The following GIGYF2 variants were observed in gnomAD, a reference collection of about 807,000 sequenced individuals.
GIGYF2 encodes the protein GRB10-interacting GYF protein 2.
Under a neutral mutation model 208.1 loss-of-function variants are expected in GIGYF2, and 25 were observed. The observed-to-expected ratio is 0.12, with a 90% CI of 0.09 to 0.17. The LOEUF (loss-of-function observed/expected upper bound fraction) is 0.17, where lower values mean the gene tolerates loss of function less well. Among genes scored for constraint, GIGYF2 ranks in the 10% least tolerant of loss-of-function variants. GIGYF2 has a pLI of 1.00. For missense variants in GIGYF2, 1,302 were observed against 1,579.4 expected, an observed-to-expected ratio of 0.82 and a Z score of 2.98; for synonymous variants, 534 against 543.8, an observed-to-expected ratio of 0.98 and a Z score of 0.25.
intron 22 of GIGYF2, 24 bp from the exon 23 acceptor site, chr2:232,839,825 T>TTCTG (rs768955704): frequency 6.2e-6 from 10 of 1,613,672 alleles, no homozygotes; most frequent in Non-Finnish European, 8.5e-6. Flanking sequence ...CTCATGAACT[T>TTCTG]TCTGGCCTTC....
Position 232,727,597 on chromosome 2 carries a change from G to T in GIGYF2, c.-43-7558G>T, listed in dbSNP as rs189821581. ...TGTGGTGAGAATAGTACCTCAGGGG[G>T]AGAAAACTAGAGTCAGTGAATTTGA... On this transcript the variant is annotated intron_variant, in intron 2 of 28. Transcript: ENST00000373563. Among the ~76,000 whole-genome samples, 958 of 152,298 alleles carry T rather than the reference G, an allele frequency of 6.3e-3. 4 individuals carry two copies. Among genetic ancestry groups the T allele is most frequent in the Non-Finnish European group, 0.01 (681 of 68,026 alleles).
intron 25 of GIGYF2, among the ~76,000 whole-genome samples, chr2:232,845,480 C>G (rs1456494323): frequency 6.6e-6 from 1 of 152,112 alleles, no homozygotes; most frequent in East Asian, 1.9e-4. Flanking sequence ...TACCTAAGGA[C>G]ACGTAGGAAG....
At chr2:232,821,688 T>G (rs946756573) in intron 21 of GIGYF2, among the ~76,000 whole-genome samples, 2 of 152,208 alleles carry the variant, frequency 1.3e-5, no homozygotes, top group Admixed American at 6.5e-5. Context: ...TTTTTAATTT[T>G]GATGAAATCC....
At chr2:232,750,445 T>C (rs1397102443) in intron 5 of GIGYF2, among the ~76,000 whole-genome samples, 6 of 152,214 alleles carry the variant, frequency 3.9e-5, no homozygotes, top group African/African-American at 1.2e-4. Context: ...CAATTTCTTA[T>C]GTATTTTTCC....
At chr2:232,832,822 A>C in intron 21 of GIGYF2, 35 bp from the exon 22 acceptor site, 1 of 1,476,030 alleles carries the variant, frequency 6.8e-7, no homozygotes, top group African/African-American at 1.4e-5. Context: ...ACAATTAATA[A>C]AATTTTTATA....
chr2:232,718,488 A>T (rs372808550), intron 2 of GIGYF2, among the ~76,000 whole-genome samples: 7 of 152,188 alleles, frequency 4.6e-5, no homozygotes, highest in South Asian at 2.1e-4. Context: ...ACATTGATGG[A>T]CATAATACCC....
intron 2 of GIGYF2, among the ~76,000 whole-genome samples, chr2:232,709,784 G>A (rs776535842): frequency 4.0e-5 from 6 of 151,774 alleles, no homozygotes; most frequent in Non-Finnish European, 8.8e-5. Flanking sequence ...ACTCCAGCCT[G>A]GGCAACAGAG....
At chr2:232,713,801 A>G (rs924417217) in intron 2 of GIGYF2, among the ~76,000 whole-genome samples, 2 of 152,210 alleles carry the variant, frequency 1.3e-5, no homozygotes, top group African/African-American at 4.8e-5. Context: ...TTTTAGAGGA[A>G]GATGACAAAG....
Position 232,826,609 on chromosome 2 carries a change from G to A in GIGYF2, c.2530-6248G>A, listed in dbSNP as rs528314221. ...GAGTGAACAAGCATCCTACAGAATGGGAGAAAAAGCTTTGCAATCTACCCA... is the reference window on the plus strand; with the variant it reads ...GAGTGAACAAGCATCCTACAGAATGAGAGAAAAAGCTTTGCAATCTACCCA... On this transcript the variant is annotated intron_variant, in intron 21 of 28. Transcript: ENST00000373563. Among the ~76,000 whole-genome samples, 5 of 152,152 alleles carry A rather than the reference G, an allele frequency of 3.3e-5. No homozygotes were observed. In the East Asian group the frequency reaches 9.7e-4, roughly 29 times the overall value.
rs138624782 is a variant in GIGYF2, at chr2:232,847,960, ATGT to A, written c.3684+398_3684+400del. On this transcript the variant is annotated intron_variant, in intron 27 of 28. Coordinates refer to ENST00000373563, the MANE Select transcript of GIGYF2 (RefSeq NM_001103146.3). Reference sequence around the variant, plus strand: ...AACACTGCAGCATGCCAGATATTTCATGTTGTTGTTGGGGATGTAAAAAATACA... The same window carrying A: ...AACACTGCAGCATGCCAGATATTTCATGTTGTTGGGGATGTAAAAAATACA... 8.1e-3 allele frequency among the ~76,000 whole-genome samples: 1,230 copies of A among 152,302 alleles called. 10 individuals carry two copies. The highest frequency in any genetic ancestry group is 0.013 in the Non-Finnish European group (859 of 68,012).
intron 28 of GIGYF2, among the ~76,000 whole-genome samples, chr2:232,853,452 T>G (rs1690435468): frequency 1.3e-5 from 2 of 152,154 alleles, no homozygotes; most frequent in Non-Finnish European, 2.9e-5. Flanking sequence ...CTTTTTGTAT[T>G]TTAGTAGAGA....
At chr2:232,771,488 A>C in intron 8 of GIGYF2, 1 of 635,250 alleles carries the variant, frequency 1.6e-6, no homozygotes. Context: ...TCTAACCACA[A>C]CTTTGCCAAC....
intron 2 of GIGYF2, among the ~76,000 whole-genome samples, chr2:232,728,786 A>G (rs982553161): frequency 2.0e-5 from 3 of 152,136 alleles, no homozygotes; most frequent in African/African-American, 7.2e-5. Flanking sequence ...GGGCAAAGAA[A>G]TACCAGGATA....
intron 2 of GIGYF2, among the ~76,000 whole-genome samples, chr2:232,712,364 A>G (rs1221885663): frequency 3.3e-5 from 5 of 152,246 alleles, no homozygotes; most frequent in Non-Finnish European, 7.3e-5. Context: ...CATGTAGAAT[A>G]TTAAAAAGAT....
At chr2:232,834,051 T>C (rs1283138779) in intron 22 of GIGYF2, among the ~76,000 whole-genome samples, 5 of 151,896 alleles carry the variant, frequency 3.3e-5, no homozygotes, top group African/African-American at 1.2e-4. Flanking sequence ...GAAGCTGGGG[T>C]GCCTGCCAGA....
intron 2 of GIGYF2, among the ~76,000 whole-genome samples, chr2:232,714,662 A>G (rs1016669764): frequency 1.2e-4 from 18 of 152,148 alleles, no homozygotes; most frequent in African/African-American, 4.3e-4. Flanking sequence ...TTATCCCCAG[A>G]AGTTTCCCCC....
intron 2 of GIGYF2, among the ~76,000 whole-genome samples, chr2:232,724,032 C>A (rs1348303669): frequency 6.6e-6 from 1 of 151,442 alleles, no homozygotes; most frequent in African/African-American, 2.4e-5. Context: ...CTGCGCCCAG[C>A]CTTCCACAGC....
At chr2:232,797,080 GT>G (rs11394783) in intron 14 of GIGYF2, among the ~76,000 whole-genome samples, 10 of 147,226 alleles carry the variant, frequency 6.8e-5, no homozygotes, top group African/African-American at 7.5e-5. Context: ...GACCTTGACT[GT>G]TTTTTTTTTT....
intron 5 of GIGYF2, among the ~76,000 whole-genome samples, chr2:232,752,100 A>G (rs529662624): frequency 6.6e-6 from 1 of 152,320 alleles, no homozygotes; most frequent in Admixed American, 6.5e-5. Context: ...TTTTGAAGGC[A>G]TTTAAAATGC....
Sources: allele counts gnomAD v4.1 joint callset (sites outside exome capture counted in the v4.1 genomes callset), GRCh38; gene constraint gnomAD v4.1.1; transcripts MANE v1.5; gene names NCBI Gene and HGNC (gene_info 2026-07-23, HGNC 2026-07-21).